INPP4B: variants seen among roughly 807,000 people sequenced by gnomAD.
INPP4B encodes the protein inositol polyphosphate-4-phosphatase type II B.
In INPP4B, 55 loss-of-function variants were observed where a neutral mutation model predicts 122.5. The observed-to-expected ratio is 0.45, with a 90% CI of 0.36 to 0.56. The LOEUF is 0.56. INPP4B is among the 20% of genes least tolerant of loss of function. INPP4B has a pLI of 0.00. For missense variants in INPP4B, 1,000 were observed against 1,097.7 expected, an observed-to-expected ratio of 0.91 and a Z score of 1.26; for synonymous variants, 403 against 388.7, an observed-to-expected ratio of 1.04 and a Z score of -0.43.
In INPP4B at chr4:142,123,328, A is replaced by C; in HGVS notation, c.1981T>G (p.Leu661Val). Reference sequence around the variant, plus strand: ...AGCAGTCCTTCATATTGTACTATCAACCCCACTGTGTGAAGCTGCTGTAGG... The same window carrying C: ...AGCAGTCCTTCATATTGTACTATCACCCCCACTGTGTGAAGCTGCTGTAGG... ...GFLQQLHTVG[L>V]IVQYEGLLST... is the part of the protein sequence containing the mutation. The change falls in exon 20 of 26, where the codon TTG becomes GTG. Residue 661 changes from leucine to valine, a missense_variant. Transcript: ENST00000262992. 1 of 1,612,962 alleles carries C rather than the reference A, an allele frequency of 6.2e-7. No individual in the cohort carries two copies. Among genetic ancestry groups the C allele is most frequent in the Non-Finnish European group, 8.5e-7 (1 of 1,179,226 alleles).
intron 2 of INPP4B, among the ~76,000 whole-genome samples, chr4:142,571,241 A>T (rs1348019732): frequency 1.3e-5 from 2 of 151,924 alleles, no homozygotes; most frequent in Non-Finnish European, 2.9e-5. Context: ...TTTAATCTGG[A>T]TCCCACACCT....
intron 9 of INPP4B, among the ~76,000 whole-genome samples, chr4:142,290,642 A>T (rs1756042119): frequency 6.6e-6 from 1 of 152,138 alleles, no homozygotes; most frequent in Non-Finnish European, 1.5e-5. Context: ...TGTTTGAAAC[A>T]CTACCACCAC....
intron 7 of INPP4B, among the ~76,000 whole-genome samples, chr4:142,377,142 GA>G (rs34298457): frequency 7.3e-4 from 109 of 148,590 alleles, no homozygotes; most frequent in Non-Finnish European, 6.6e-4. Flanking sequence ...TTTCTCACAG[GA>G]AAAAAAAAAT....
intron 10 of INPP4B, among the ~76,000 whole-genome samples, chr4:142,270,395 CA>C (rs1745183380): frequency 6.6e-6 from 1 of 152,062 alleles, no homozygotes; most frequent in Non-Finnish European, 1.5e-5. Context: ...ACTTTTGTTC[CA>C]ACTGAGAAGA....
chr4:142,478,156 T>C (rs1259708421), intron 2 of INPP4B, among the ~76,000 whole-genome samples: 1 of 152,198 alleles, frequency 6.6e-6, no homozygotes, highest in Non-Finnish European at 1.5e-5. Context: ...TAAGTTTATC[T>C]ATCAGATCTC....
chr4:142,712,541 G>C (rs2150802241), intron 2 of INPP4B, among the ~76,000 whole-genome samples: 1 of 152,188 alleles, frequency 6.6e-6, no homozygotes, highest in Admixed American at 6.5e-5. Flanking sequence ...AGATAGTTTA[G>C]TTTCCTTCTT....
At chr4:142,717,837 T>C (rs1351541956) in intron 2 of INPP4B, among the ~76,000 whole-genome samples, 1 of 145,494 alleles carries the variant, frequency 6.9e-6, no homozygotes, top group African/African-American at 2.6e-5. Flanking sequence ...CATGTATACA[T>C]ATGTAACAAA....
At chr4:142,070,011 A>C (rs1578795612) in intron 25 of INPP4B, among the ~76,000 whole-genome samples, 1 of 152,160 alleles carries the variant, frequency 6.6e-6, no homozygotes, top group East Asian at 1.9e-4. Flanking sequence ...CTTCATACCA[A>C]AGCCTGGCAG....
chr4:142,319,263 AG>A (rs149991510), intron 7 of INPP4B, among the ~76,000 whole-genome samples: 1,711 of 152,284 alleles, frequency 0.011, 36 homozygotes, highest in African/African-American at 0.037. Context: ...GTTATAGTGG[AG>A]GAACACCTCT....
chr4:142,111,775 G>A (rs923477639), intron 22 of INPP4B, among the ~76,000 whole-genome samples: 3 of 150,882 alleles, frequency 2.0e-5, no homozygotes, highest in East Asian at 2.0e-4. Context: ...ATGGAGTCTC[G>A]CTCTGCCGCC....
At chr4:142,654,952 C>A (rs1389609782) in intron 2 of INPP4B, among the ~76,000 whole-genome samples, 1 of 151,768 alleles carries the variant, frequency 6.6e-6, no homozygotes, top group East Asian at 1.9e-4. Context: ...TATATAGCTG[C>A]CAAAAAGAGA....
At chr4:142,164,782 TCTCA>T (rs1821889646) in intron 16 of INPP4B, among the ~76,000 whole-genome samples, 1 of 151,654 alleles carries the variant, frequency 6.6e-6, no homozygotes, top group African/African-American at 2.4e-5. Flanking sequence ...AGAAACAGGG[TCTCA>T]CTATGTTGCC....
chr4:142,439,127 C>T (rs569109312), intron 3 of INPP4B, among the ~76,000 whole-genome samples: 1 of 152,238 alleles, frequency 6.6e-6, no homozygotes, highest in African/African-American at 2.4e-5. Flanking sequence ...AGCCATGTGC[C>T]TCCTAGATCG....
At chr4:142,506,949 A>G (rs1824105318) in intron 2 of INPP4B, among the ~76,000 whole-genome samples, 1 of 152,154 alleles carries the variant, frequency 6.6e-6, no homozygotes, top group African/African-American at 2.4e-5. Flanking sequence ...TTTCATAATT[A>G]TGCCTTATTG....
intron 9 of INPP4B, among the ~76,000 whole-genome samples, chr4:142,277,870 G>A (rs1749363986): frequency 6.6e-6 from 1 of 151,910 alleles, no homozygotes; most frequent in Non-Finnish European, 1.5e-5. Context: ...AGGACGCAAA[G>A]GCACAAGAAT....
intron 10 of INPP4B, among the ~76,000 whole-genome samples, chr4:142,265,835 C>CAT (rs754791497): frequency 1.3e-5 from 2 of 152,142 alleles, no homozygotes; most frequent in Non-Finnish European, 2.9e-5. Flanking sequence ...GTTCCTAAGC[C>CAT]AGAAACACTA....
chr4:142,770,685 A>C (rs567175827), intron 1 of INPP4B, among the ~76,000 whole-genome samples: 1 of 152,298 alleles, frequency 6.6e-6, no homozygotes, highest in Non-Finnish European at 1.5e-5. Context: ...TCCATTAGAA[A>C]AAGAATGAAA....
intron 1 of INPP4B, among the ~76,000 whole-genome samples, chr4:142,769,946 AGT>A (rs1361213836): frequency 6.6e-6 from 1 of 152,088 alleles, no homozygotes; most frequent in Non-Finnish European, 1.5e-5. Context: ...TAAAAGTAAA[AGT>A]GCAAATACCT....
chr4:142,332,085 TACAG>T (rs1285679671), intron 7 of INPP4B, among the ~76,000 whole-genome samples: 1 of 152,198 alleles, frequency 6.6e-6, no homozygotes, highest in Admixed American at 6.5e-5. Flanking sequence ...GTATTTTCCA[TACAG>T]ACAATGTAGC....
Sources: gnomAD v4.1 joint callset for allele counts (sites outside exome capture counted in the v4.1 genomes callset) on GRCh38, gnomAD v4.1.1 for gene constraint, MANE v1.5 for transcripts, NCBI Gene and HGNC (gene_info 2026-07-23, HGNC 2026-07-21) for gene names.